Variants in MAPRE2 observed in about 807,000 individuals in gnomAD.
The protein encoded by MAPRE2 is microtubule-associated protein RP/EB family member 2.
Under a neutral mutation model 43.2 loss-of-function variants are expected in MAPRE2, and 13 were observed. That is an observed-to-expected ratio of 0.30 (90% CI 0.20 to 0.48). The LOEUF is 0.48. MAPRE2 is among the 20% of genes least tolerant of loss of function. The probability of loss-of-function intolerance (pLI) is 0.99; values close to 1 mark genes in which losing one functional copy is unlikely to be tolerated. For synonymous variants in MAPRE2, 135 were observed against 148.8 expected (o/e 0.91, Z 0.68); for missense variants, 161 against 400.2 (o/e 0.40, Z 5.10).
intron 2 of MAPRE2, among the ~76,000 whole-genome samples, chr18:35,020,343 T>C (rs2097041115): frequency 6.6e-6 from 1 of 152,156 alleles, no homozygotes. Flanking sequence ...TTATGATTTT[T>C]CAAGGCAATG....
At chr18:35,137,825 C>T (rs896983569) in intron 6 of MAPRE2, among the ~76,000 whole-genome samples, 1 of 152,148 alleles carries the variant, frequency 6.6e-6, no homozygotes, top group Non-Finnish European at 1.5e-5. Context: ...GCCATTATCT[C>T]GGGGCTGCAG....
intron 2 of MAPRE2, among the ~76,000 whole-genome samples, chr18:35,013,425 G>A (rs2097036066): frequency 6.6e-6 from 1 of 152,082 alleles, no homozygotes; most frequent in Admixed American, 6.6e-5. Flanking sequence ...CATATTCATG[G>A]GGTACATAGT....
chr18:35,063,259 A>G lies in MAPRE2; in HGVS notation c.123-6936A>G, dbSNP rs1193599545. 4.6e-5 allele frequency among the ~76,000 whole-genome samples: 7 copies of G among 151,850 alleles called. No individual in the cohort carries two copies. In the East Asian group the frequency reaches 1.4e-3, roughly 29 times the overall value. On this transcript the variant is annotated intron_variant, in intron 1 of 6. Coordinates refer to ENST00000300249, the MANE Select transcript of MAPRE2 (RefSeq NM_014268.4). ...GCTGGGACTACAGGCGCACACCACC[A>G]CGCCTGGCTAATTTTTTTTTTGTAT... is the stretch of plus-strand genomic sequence containing the variant.
At chr18:35,015,370 C>T (rs1230462772) in intron 2 of MAPRE2, among the ~76,000 whole-genome samples, 7 of 152,090 alleles carry the variant, frequency 4.6e-5, no homozygotes, top group Non-Finnish European at 7.4e-5. Flanking sequence ...TTGATGCCTA[C>T]GGTGTACCAG....
In MAPRE2 at chr18:35,132,172, G is replaced by A; in HGVS notation, c.891G>A (p.Leu297=). Residue 297 remains leucine, a synonymous_variant, in exon 6 of 7, where the codon CTG becomes CTA. Transcript: ENST00000300249. ...DDLVQRLMDI[L]YASEEHEGHT... ...TCGTGCAGAGACTAATGGACATCCT[G>A]TATGCTTCAGAAGAACACGTAAGTG... The A allele has an allele frequency of 1.9e-6, 3 of 1,614,146 alleles. No homozygotes were observed. The highest frequency in any genetic ancestry group is 2.2e-5 in the East Asian group (1 of 44,876).
chr18:35,025,669 T>C (rs1271370321), intron 2 of MAPRE2, among the ~76,000 whole-genome samples: 1 of 152,184 alleles, frequency 6.6e-6, no homozygotes, highest in Non-Finnish European at 1.5e-5. Flanking sequence ...GTCCTCTCTG[T>C]AGTTTTTTAA....
chr18:34,992,186 T>G (rs532312623), intron 1 of MAPRE2, among the ~76,000 whole-genome samples: 19 of 152,210 alleles, frequency 1.2e-4, no homozygotes, highest in Admixed American at 5.9e-4. Context: ...TTAAAAAAAT[T>G]AAAACAGCAA....
chr18:35,066,608 G>GTTTAT (rs1906849915), intron 1 of MAPRE2, among the ~76,000 whole-genome samples: 1 of 152,232 alleles, frequency 6.6e-6, no homozygotes, highest in Admixed American at 6.5e-5. Flanking sequence ...TATATGGAAA[G>GTTTAT]CATACCTGTA....
chr18:34,998,276 C>T (rs1396674708), intron 1 of MAPRE2, among the ~76,000 whole-genome samples: 1 of 151,892 alleles, frequency 6.6e-6, no homozygotes, highest in Non-Finnish European at 1.5e-5. Flanking sequence ...GCTAACATTC[C>T]CACAGGTCTC....
chr18:35,000,796 T>A (rs931775567), intron 1 of MAPRE2, among the ~76,000 whole-genome samples: 1 of 152,184 alleles, frequency 6.6e-6, no homozygotes, highest in Non-Finnish European at 1.5e-5. Flanking sequence ...TAAAAGTCAG[T>A]ATGATCTTTC....
In MAPRE2 at chr18:35,056,077, GA is replaced by G. The variant is rs200018235; in HGVS notation, c.123-14117del. Among the ~76,000 whole-genome samples, 57 of 148,242 alleles carry G rather than the reference GA, an allele frequency of 3.8e-4. 1 individual carries two copies. The highest frequency in any genetic ancestry group is 1.3e-3 in the African/African-American group (54 of 40,338). Reference sequence around the variant, plus strand: ...TTTTCTGCATTAGTGAAAATGGACAGATTTTTTTAATAGAAAAATCTGGCTT... The same window carrying G: ...TTTTCTGCATTAGTGAAAATGGACAGTTTTTTTAATAGAAAAATCTGGCTT... On this transcript the variant is annotated intron_variant, in intron 1 of 6. Coordinates refer to ENST00000300249, the MANE Select transcript of MAPRE2 (RefSeq NM_014268.4).
intron 1 of MAPRE2, among the ~76,000 whole-genome samples, chr18:34,978,988 A>T (rs1260828327): frequency 1.3e-5 from 2 of 152,198 alleles, no homozygotes; most frequent in African/African-American, 4.8e-5. Context: ...CAAGTTGGGG[A>T]AACTCTACAG....
intron 5 of MAPRE2, among the ~76,000 whole-genome samples, chr18:35,129,926 A>T (rs563251063): frequency 6.6e-6 from 1 of 152,254 alleles, no homozygotes; most frequent in Non-Finnish European, 1.5e-5. Flanking sequence ...TTGCTTGCCA[A>T]TTGATCTTTC....
At chr18:35,013,631 A>T (rs2097036231) in intron 2 of MAPRE2, among the ~76,000 whole-genome samples, 1 of 152,148 alleles carries the variant, frequency 6.6e-6, no homozygotes, top group South Asian at 2.1e-4. Flanking sequence ...GTCTAGCTGT[A>T]ATTTTGTATC....
intron 1 of MAPRE2, among the ~76,000 whole-genome samples, chr18:35,043,031 C>T (rs1445902499): frequency 1.8e-4 from 27 of 152,098 alleles, no homozygotes; most frequent in Admixed American, 1.8e-3. Context: ...AATCTCATGC[C>T]TTATGGTTCC....
intron 2 of MAPRE2, among the ~76,000 whole-genome samples, chr18:35,088,629 T>A (rs1389935202): frequency 6.6e-6 from 1 of 152,232 alleles, no homozygotes; most frequent in East Asian, 1.9e-4. Context: ...AAAGTCTGTG[T>A]ATCTGTTGAT....
intron 5 of MAPRE2, among the ~76,000 whole-genome samples, chr18:35,129,181 A>G (rs921328246): frequency 5.9e-5 from 9 of 152,170 alleles, no homozygotes; most frequent in Non-Finnish European, 1.3e-4. Context: ...AGGAAGACAC[A>G]CCCTGAATTC....
At chr18:35,059,860 C>G (rs1906431545) in intron 1 of MAPRE2, among the ~76,000 whole-genome samples, 1 of 152,098 alleles carries the variant, frequency 6.6e-6, no homozygotes, top group Non-Finnish European at 1.5e-5. Flanking sequence ...TCATTTGTTT[C>G]TTATTATGAG....
At chr18:35,105,311 C>T (rs369986448) in intron 4 of MAPRE2, among the ~76,000 whole-genome samples, 1 of 152,022 alleles carries the variant, frequency 6.6e-6, no homozygotes, top group African/African-American at 2.4e-5. Context: ...ACCATGTTTA[C>T]GTTATTGGTC....
Sources: allele counts gnomAD v4.1 joint callset (sites outside exome capture counted in the v4.1 genomes callset), GRCh38; gene constraint gnomAD v4.1.1; transcripts MANE v1.5; gene names NCBI Gene and HGNC (gene_info 2026-07-23, HGNC 2026-07-21).